CSGALNACT1: variants seen among roughly 807,000 people sequenced by gnomAD.
CSGALNACT1 encodes beta4GalNAcT-1.
CSGALNACT1 carries 52 observed loss-of-function variants against 51.0 expected under a neutral mutation model. The ratio of observed to expected loss-of-function variants is 1.02; its 90% CI spans 0.82 to 1.29. The LOEUF (loss-of-function observed/expected upper bound fraction) is 1.29. Ranked by LOEUF, CSGALNACT1 falls within the 50% of genes most tolerant of loss-of-function variation. The pLI, the probability that CSGALNACT1 is intolerant of heterozygous loss-of-function variation, is 0.00. For missense variants in CSGALNACT1, 935 were observed against 679.2 expected (o/e 1.38, Z -4.19); for synonymous variants, 341 against 254.4 (o/e 1.34, Z -3.24).
In CSGALNACT1 at chr8:19,672,004, C is replaced by T. The variant is rs900478131; in HGVS notation, c.-544+10469G>A. On this transcript the variant is annotated intron_variant, in intron 1 of 9. Coordinates refer to the CSGALNACT1 transcript ENST00000332246. The stretch of plus-strand genomic sequence containing the variant: ...TTTTTAAAAAAGCTATTATAAATAA[C>T]GCTTCCATTTCCTTAAAAGCAACAT... 9.9e-5 allele frequency among the ~76,000 whole-genome samples: 15 copies of T among 152,238 alleles called. No individual in the cohort carries two copies. The South Asian group carries it at 1.0e-3, about 11-fold the overall frequency.
intron 5 of CSGALNACT1, among the ~76,000 whole-genome samples, chr8:19,450,947 G>A (rs950457424): frequency 6.6e-6 from 1 of 151,834 alleles, no homozygotes; most frequent in Non-Finnish European, 1.5e-5. Flanking sequence ...TAAAAAAAAA[G>A]GACTCACACA....
At chr8:19,636,897 AAGAGTCTTAAGG>A (rs1160281324) in intron 1 of CSGALNACT1, among the ~76,000 whole-genome samples, 1 of 152,090 alleles carries the variant, frequency 6.6e-6, no homozygotes, top group Non-Finnish European at 1.5e-5. Flanking sequence ...ATTTTCATTA[AAGAGTCTTAAGG>A]AGGCCAGGCA....
chr8:19,606,618 G>T (rs1009198333), upstream of CSGALNACT1, among the ~76,000 whole-genome samples: 1 of 152,052 alleles, frequency 6.6e-6, no homozygotes, highest in African/African-American at 2.4e-5. Context: ...TGGTGTCCTG[G>T]TCTTAAGACT....
intron 4 of CSGALNACT1, among the ~76,000 whole-genome samples, chr8:19,493,239 G>A (rs1034781763): frequency 3.3e-5 from 5 of 152,046 alleles, no homozygotes; most frequent in East Asian, 1.9e-4. Context: ...GGAGCTCTTC[G>A]GTCACCTCAA....
chr8:19,496,781 C>T (rs28491635), intron 4 of CSGALNACT1, among the ~76,000 whole-genome samples: 26 of 152,256 alleles, frequency 1.7e-4, no homozygotes, highest in Non-Finnish European at 2.9e-4. Context: ...CTAAGCAAGG[C>T]TCAGTGCAGA....
intron 3 of CSGALNACT1, among the ~76,000 whole-genome samples, chr8:19,531,201 T>A (rs2082705013): frequency 6.6e-6 from 1 of 152,212 alleles, no homozygotes; most frequent in African/African-American, 2.4e-5. Context: ...GAGGCAGATA[T>A]CTATCATCTT....
chr8:19,416,644 C>G (rs949485006), intron 8 of CSGALNACT1, among the ~76,000 whole-genome samples: 4 of 152,076 alleles, frequency 2.6e-5, no homozygotes, highest in African/African-American at 9.7e-5. Flanking sequence ...TACTGAATAC[C>G]ATCGTGCTTC....
At chr8:19,612,406 G>A (rs2052388314) in intron 1 of CSGALNACT1, among the ~76,000 whole-genome samples, 1 of 151,118 alleles carries the variant, frequency 6.6e-6, no homozygotes, top group African/African-American at 2.4e-5. Context: ...GATACACAGT[G>A]TTCTTCATCC....
chr8:19,443,907 T>G (rs916628391), intron 5 of CSGALNACT1, among the ~76,000 whole-genome samples: 5 of 152,034 alleles, frequency 3.3e-5, no homozygotes, highest in Admixed American at 1.3e-4. Flanking sequence ...GGGCTTATGG[T>G]TTCAGCATGA....
chr8:19,602,016 T>G (rs1178106680), exon 1 of CSGALNACT1: 1 of 361,536 alleles, frequency 2.8e-6, no homozygotes, highest in Non-Finnish European at 5.4e-6. Flanking sequence ...TGGTATTTGT[T>G]CTCTCCCTGT....
intron 3 of CSGALNACT1, among the ~76,000 whole-genome samples, chr8:19,514,351 TTGG>T (rs1259024633): frequency 6.6e-6 from 1 of 151,620 alleles, no homozygotes; most frequent in Non-Finnish European, 1.5e-5. Flanking sequence ...GACAGCTGCC[TTGG>T]TGGCCCTAGC....
intron 3 of CSGALNACT1, among the ~76,000 whole-genome samples, chr8:19,539,452 C>T (rs1437160069): frequency 6.6e-6 from 1 of 152,178 alleles, no homozygotes; most frequent in African/African-American, 2.4e-5. Context: ...TAACCTCTGT[C>T]CTCAGCACAG....
chr8:19,593,925 C>T (rs1324376451), intron 2 of CSGALNACT1, among the ~76,000 whole-genome samples: 1 of 152,170 alleles, frequency 6.6e-6, no homozygotes, highest in Non-Finnish European at 1.5e-5. Context: ...CTGTCTCTCC[C>T]TCTAGGCTGC....
chr8:19,625,658 C>T (rs1183578367), intron 1 of CSGALNACT1, among the ~76,000 whole-genome samples: 1 of 152,206 alleles, frequency 6.6e-6, no homozygotes, highest in Non-Finnish European at 1.5e-5. Flanking sequence ...ATCATGCTGT[C>T]TCTGCAACAC....
At chr8:19,471,430 G>A in intron 4 of CSGALNACT1, among the ~76,000 whole-genome samples, 1 of 151,904 alleles carries the variant, frequency 6.6e-6, no homozygotes, top group East Asian at 1.9e-4. Context: ...TACCCACTTG[G>A]GTCTCTTTCA....
chr8:19,666,673 A>G (rs1157624750), intron 1 of CSGALNACT1, among the ~76,000 whole-genome samples: 1 of 150,308 alleles, frequency 6.7e-6, no homozygotes, highest in South Asian at 2.1e-4. Flanking sequence ...ACTCCAGCCT[A>G]ATTGACAAAC....
intron 3 of CSGALNACT1, among the ~76,000 whole-genome samples, chr8:19,546,254 G>T (rs4922057): frequency 0.15 from 23,402 of 152,046 alleles, 1,866 homozygotes; most frequent in African/African-American, 0.17. Flanking sequence ...ATGATTAATC[G>T]TGTTTTTGTA....
chr8:19,469,935 G>C (rs1019059903), intron 4 of CSGALNACT1, among the ~76,000 whole-genome samples: 3 of 152,190 alleles, frequency 2.0e-5, no homozygotes, highest in Non-Finnish European at 2.9e-5. Context: ...GGGAGGGAGG[G>C]AAGAAGAAAG....
chr8:19,515,716 AT>A (rs143439993), intron 3 of CSGALNACT1, among the ~76,000 whole-genome samples: 4,448 of 149,992 alleles, frequency 0.03, 161 homozygotes, highest in African/African-American at 0.081. Flanking sequence ...CTCAAGTCCT[AT>A]TTTTTTTTTA....
Sources: allele counts gnomAD v4.1 joint callset (sites outside exome capture counted in the v4.1 genomes callset), GRCh38; gene constraint gnomAD v4.1.1; transcripts MANE v1.5; gene names NCBI Gene and HGNC (gene_info 2026-07-23, HGNC 2026-07-21).